The following XAF1 variants were observed in gnomAD, a reference collection of about 807,000 sequenced individuals.
The protein encoded by XAF1 is XIAP-associated factor 1.
Under a neutral mutation model 32.3 loss-of-function variants are expected in XAF1, and 32 were observed. The ratio of observed to expected loss-of-function variants is 0.99; its 90% CI spans 0.75 to 1.33. The LOEUF is 1.33. Among genes scored for constraint, XAF1 ranks in the 40% most tolerant of loss-of-function variants. The probability of loss-of-function intolerance (pLI) is 0.00; values close to 1 mark genes in which losing one functional copy is unlikely to be tolerated. For synonymous variants in XAF1, 120 were observed against 125.9 expected, an observed-to-expected ratio of 0.95 and a Z score of 0.31; for missense variants, 379 against 366.0, an observed-to-expected ratio of 1.04 and a Z score of -0.29.
At chr17:6,767,980 A>T (rs1975740951) in intron 5 of XAF1, among the ~76,000 whole-genome samples, 1 of 152,180 alleles carries the variant, frequency 6.6e-6, no homozygotes, top group Non-Finnish European at 1.5e-5. Context: ...TAACACTGTA[A>T]CTATCTTACA....
At chr17:6,770,241 C>G (rs1341220913) in intron 5 of XAF1, among the ~76,000 whole-genome samples, 1 of 152,342 alleles carries the variant, frequency 6.6e-6, no homozygotes. Context: ...TGAGGGCCTT[C>G]TTGCTGCCTC....
intron 5 of XAF1, among the ~76,000 whole-genome samples, chr17:6,766,614 A>G (rs1451948510): frequency 6.6e-6 from 1 of 152,272 alleles, no homozygotes; most frequent in East Asian, 1.9e-4. Context: ...TTACATTAGT[A>G]TAACCATGTA....
intron 5 of XAF1, among the ~76,000 whole-genome samples, chr17:6,764,049 A>C (rs1039246868): frequency 2.4e-4 from 36 of 152,340 alleles, no homozygotes; most frequent in African/African-American, 7.2e-4. Flanking sequence ...TGAAGGCTAC[A>C]GGGAAGTGGG....
chr17:6,760,562 A>G lies in XAF1; in HGVS notation c.382A>G (p.Arg128Gly), dbSNP rs1393901795. ...CATGCACCGCATGCTCGCCCAGCACAGAGATGTCTGTCGCAGTGAACAGGC... is the reference window on the plus strand; with the variant it reads ...CATGCACCGCATGCTCGCCCAGCACGGAGATGTCTGTCGCAGTGAACAGGC... ...FIMHRMLAQHRDVCRSEQAQL... is the reference protein window; with the variant it reads ...FIMHRMLAQHGDVCRSEQAQL... Residue 128 changes from arginine (R) to glycine (G), a missense_variant, in exon 4 of 7, where the codon AGA (arginine) becomes GGA (glycine). Arg to Gly is a moderately radical substitution (Grantham distance 125, BLOSUM62 -2). Transcript: ENST00000361842. 3 of 1,613,192 alleles carry G rather than the reference A, an allele frequency of 1.9e-6. No individual in the cohort carries two copies. Among genetic ancestry groups the G allele is most frequent in the South Asian group, 1.1e-5 (1 of 91,028 alleles).
chr17:6,764,338 T>C (rs1975432348), intron 5 of XAF1, among the ~76,000 whole-genome samples: 1 of 152,168 alleles, frequency 6.6e-6, no homozygotes, highest in Non-Finnish European at 1.5e-5. Flanking sequence ...CCCCTCCTAC[T>C]GGTATAATAT....
intron 6 of XAF1, 47 bp downstream of exon 6, chr17:6,771,031 C>T: frequency 6.3e-7 from 1 of 1,576,454 alleles, no homozygotes; most frequent in Non-Finnish European, 8.6e-7. Context: ...ACCATCCGCA[C>T]AGTGTCTTAA....
chr17:6,758,315 C>T (rs1202397774), intron 2 of XAF1, 91 bp downstream of exon 2: 46 of 1,524,624 alleles, frequency 3.0e-5, no homozygotes, highest in Admixed American at 4.0e-5. Flanking sequence ...AGTTGGGGGA[C>T]GAGGGTCTAG....
chr17:6,765,209 C>T (rs939788095), intron 5 of XAF1, among the ~76,000 whole-genome samples: 9 of 152,058 alleles, frequency 5.9e-5, no homozygotes, highest in Admixed American at 2.0e-4. Context: ...GTCAGGAGAT[C>T]GAGACCAACC....
chr17:6,759,737 T>TTC lies in XAF1; in HGVS notation c.225+22_225+23dup, dbSNP rs1405012229. On this transcript the variant is annotated intron_variant, in intron 3 of 6. Transcript: ENST00000361842. ...TCATAAGGTAAGAGCCCCATGTGAT[T>TTC]TCTCCTTTACAGCCAAATAGACCAA... The TTC allele has an allele frequency of 9.9e-6, 16 of 1,613,858 alleles. No individual in the cohort carries two copies. The highest frequency in any genetic ancestry group is 1.3e-5 in the Non-Finnish European group (15 of 1,180,020).
At chr17:6,761,154 C>CA (rs35268583) in intron 4 of XAF1, among the ~76,000 whole-genome samples, 29 of 147,660 alleles carry the variant, frequency 2.0e-4, no homozygotes, top group Admixed American at 4.7e-4. Flanking sequence ...AACTCTGTCT[C>CA]AAAAAAAAAA....
At chr17:6,772,294 A>G (rs1976091539) in intron 6 of XAF1, among the ~76,000 whole-genome samples, 4 of 152,120 alleles carry the variant, frequency 2.6e-5, no homozygotes, top group Non-Finnish European at 2.9e-5. Context: ...AATTGTTTTT[A>G]GTGTAGGTAT....
rs144229663 is a variant in XAF1 at position 6,763,524 on chromosome 17, G to A, written c.507+1284G>A. Among the ~76,000 whole-genome samples, 618 of 152,166 alleles carry A rather than the reference G, an allele frequency of 4.1e-3. 8 individuals carry two copies. Among genetic ancestry groups the A allele is most frequent in the African/African-American group, 0.014 (580 of 41,524 alleles). The stretch of plus-strand genomic sequence containing the variant: ...TGTATTTTTTTTTAGTAGAGACGGG[G>A]TTTTACCATGTTGGCCAGGCCAGTC... On this transcript the variant is annotated intron_variant, in intron 5 of 6. Transcript: ENST00000361842.
At chr17:6,771,135 C>T in intron 6 of XAF1, 151 bp downstream of exon 6, 2 of 709,320 alleles carry the variant, frequency 2.8e-6, no homozygotes, top group Non-Finnish European at 4.6e-6. Context: ...AATGCACTAT[C>T]TCGTAGCACT....
At position 6,765,854 on chromosome 17, in the gene XAF1, T is replaced by C. The variant is rs180792986; in HGVS notation, c.507+3614T>C. 1.2e-3 allele frequency among the ~76,000 whole-genome samples: 188 copies of C among 152,322 alleles called. 1 individual carries two copies. Among genetic ancestry groups the C allele is most frequent in the African/African-American group, 4.4e-3 (182 of 41,564 alleles). ...AAAAATACAAGTCAGATTGTTTGGC[T>C]CCTCTGTTCAGATCTCTGTACTGAT... is the stretch of plus-strand genomic sequence containing the variant. On this transcript the variant is annotated intron_variant, in intron 5 of 6. Coordinates refer to ENST00000361842, the MANE Select transcript of XAF1 (RefSeq NM_017523.5).
At chr17:6,771,078 T>C (rs777568693) in intron 6 of XAF1, 94 bp downstream of exon 6, 2 of 1,437,406 alleles carry the variant, frequency 1.4e-6, no homozygotes, top group South Asian at 1.3e-5. Context: ...ACAAATGTTG[T>C]GGCTGAAAAG....
intron 2 of XAF1, chr17:6,758,519 CCT>C (rs112173929): frequency 0.016 from 7,152 of 453,154 alleles, 431 homozygotes; most frequent in African/African-American, 0.11. Flanking sequence ...AGTGTTCAGT[CCT>C]CTCTGCAGGA....
At chr17:6,769,861 A>G (rs1423650302) in intron 5 of XAF1, among the ~76,000 whole-genome samples, 1 of 152,184 alleles carries the variant, frequency 6.6e-6, no homozygotes, top group Non-Finnish European at 1.5e-5. Flanking sequence ...ATAAGTTTTC[A>G]TCTCCACACT....
chr17:6,755,783 C>T (rs1974609590), upstream of XAF1: 1 of 1,204,686 alleles, frequency 8.3e-7, no homozygotes, highest in South Asian at 2.3e-5. Flanking sequence ...GGTGAGGGAA[C>T]AAGCTGCTGT....
At chr17:6,757,987 C>A in intron 1 of XAF1, 102 bp from the exon 2 acceptor site, 1 of 1,521,624 alleles carries the variant, frequency 6.6e-7, no homozygotes, top group Non-Finnish European at 9.0e-7. Context: ...ATGTTCAGTG[C>A]TTAAGGCCTC....
Sources: allele counts gnomAD v4.1 joint callset (sites outside exome capture counted in the v4.1 genomes callset), GRCh38; gene constraint gnomAD v4.1.1; transcripts MANE v1.5; gene names NCBI Gene and HGNC (gene_info 2026-07-23, HGNC 2026-07-21).